SEMA3D: variants seen among roughly 807,000 people sequenced by gnomAD.
SEMA3D encodes the protein semaphorin 3D.
In SEMA3D, 84 loss-of-function variants were observed where a neutral mutation model predicts 100.1. That is an observed-to-expected ratio of 0.84 (90% CI 0.70 to 1.01). SEMA3D has a LOEUF of 1.01. SEMA3D is among the 50% of genes least tolerant of loss of function. SEMA3D has a pLI of 0.00. For synonymous variants in SEMA3D, 312 were observed against 320.7 expected (o/e 0.97, Z 0.29); for missense variants, 875 against 934.1 (o/e 0.94, Z 0.82).
intron 1 of SEMA3D, among the ~76,000 whole-genome samples, chr7:85,175,888 T>C (rs2116560798): frequency 6.6e-6 from 1 of 152,162 alleles, no homozygotes; most frequent in African/African-American, 2.4e-5. Flanking sequence ...AAGGATAAAG[T>C]TAATATATAT....
At chr7:85,135,780 TAAAAA>T (rs77193345) in intron 2 of SEMA3D, among the ~76,000 whole-genome samples, 1 of 142,270 alleles carries the variant, frequency 7.0e-6, no homozygotes, top group Admixed American at 7.1e-5. Flanking sequence ...GTTGGCTCAG[TAAAAA>T]AAAAAAAAAA....
At chr7:85,111,089 C>A (rs747467826) in intron 3 of SEMA3D, among the ~76,000 whole-genome samples, 1 of 151,924 alleles carries the variant, frequency 6.6e-6, no homozygotes, top group Non-Finnish European at 1.5e-5. Context: ...TCCTATATAC[C>A]TGGGCATTCC....
intron 1 of SEMA3D, among the ~76,000 whole-genome samples, chr7:85,166,827 C>A: frequency 6.6e-6 from 1 of 151,700 alleles, no homozygotes; most frequent in Admixed American, 6.6e-5. Context: ...AAATGAAAGC[C>A]CCGTTTTATT....
rs184875219 is a variant in SEMA3D at position 85,036,195 on chromosome 7, C to T, written c.1191+694G>A. ...CTGATGTTAAAATAACTTAAACTGT[C>T]ATAATAATATCAACAAATGTTTTAA... On this transcript the variant is annotated intron_variant, in intron 12 of 18. Coordinates refer to ENST00000284136, the MANE Select transcript of SEMA3D (RefSeq NM_001384900.1). Among the ~76,000 whole-genome samples, 36 of 152,052 alleles carry T rather than the reference C, an allele frequency of 2.4e-4. 1 individual carries two copies. In the East Asian group the frequency reaches 7.0e-3, roughly 29 times the overall value.
intron 16 of SEMA3D, among the ~76,000 whole-genome samples, chr7:85,014,737 A>G (rs1790049722): frequency 6.6e-6 from 1 of 151,664 alleles, no homozygotes; most frequent in Admixed American, 6.6e-5. Flanking sequence ...GAAATAAGGA[A>G]GGAACAATTA....
At chr7:85,111,179 T>C (rs1789082853) in intron 3 of SEMA3D, among the ~76,000 whole-genome samples, 1 of 152,098 alleles carries the variant, frequency 6.6e-6, no homozygotes, top group African/African-American at 2.4e-5. Context: ...ATCTTTTGAA[T>C]TCTGCTTCAT....
chr7:85,040,212 T>A (rs1790818508), intron 11 of SEMA3D, among the ~76,000 whole-genome samples: 1 of 151,988 alleles, frequency 6.6e-6, no homozygotes, highest in Non-Finnish European at 1.5e-5. Flanking sequence ...ACTCCTGGGC[T>A]CAAGCCATCC....
intron 9 of SEMA3D, among the ~76,000 whole-genome samples, chr7:85,045,599 T>C (rs1253223297): frequency 6.6e-6 from 1 of 151,846 alleles, no homozygotes; most frequent in East Asian, 1.9e-4. Context: ...TATCTAGATA[T>C]GACCTGTTTT....
At chr7:85,229,391 T>C in the SEMA3D span, among the ~76,000 whole-genome samples, 1 of 152,048 alleles carries the variant, frequency 6.6e-6, no homozygotes, top group African/African-American at 2.4e-5. Context: ...CTGAATATTT[T>C]AGTTCAATAA....
the SEMA3D span, among the ~76,000 whole-genome samples, chr7:85,231,672 G>T: frequency 6.6e-6 from 1 of 151,910 alleles, no homozygotes; most frequent in Non-Finnish European, 1.5e-5. Context: ...GGATGGTCTC[G>T]ATCTCCTGAC....
At chr7:85,080,998 C>T (rs1458678542) in intron 5 of SEMA3D, among the ~76,000 whole-genome samples, 6 of 152,098 alleles carry the variant, frequency 3.9e-5, no homozygotes, top group Non-Finnish European at 5.9e-5. Flanking sequence ...CTAGTTCTTA[C>T]GCCAGAATGC....
Position 85,070,500 on chromosome 7 carries a change from C to G in SEMA3D, c.496-2216G>C, listed in dbSNP as rs144523721. The stretch of plus-strand genomic sequence containing the variant: ...CTCTTCCCAGCCACCTTAGGAGGAG[C>G]CTTATTTATTTGAAAATGGAAGGTC... On this transcript the variant is annotated intron_variant, in intron 6 of 18. Coordinates refer to ENST00000284136, the MANE Select transcript of SEMA3D (RefSeq NM_001384900.1). Among the ~76,000 whole-genome samples, 8 of 152,188 alleles carry G rather than the reference C, an allele frequency of 5.3e-5. 1 individual carries two copies. The highest frequency in any genetic ancestry group is 1.7e-4 in the African/African-American group (7 of 41,536).
chr7:85,178,227 A>T (rs1474360247), intron 1 of SEMA3D, among the ~76,000 whole-genome samples: 1 of 152,194 alleles, frequency 6.6e-6, no homozygotes. Flanking sequence ...CTAACACAGT[A>T]AATCAGTACT....
chr7:85,220,330 CTTTTT>C, the SEMA3D span, among the ~76,000 whole-genome samples: 2 of 134,918 alleles, frequency 1.5e-5, no homozygotes. Flanking sequence ...TTTCAGGTTC[CTTTTT>C]TTTTTTTTTT....
intron 2 of SEMA3D, among the ~76,000 whole-genome samples, chr7:85,134,978 T>A (rs1240056448): frequency 6.6e-6 from 1 of 151,836 alleles, no homozygotes; most frequent in African/African-American, 2.4e-5. Context: ...ATTCTGGGTA[T>A]CTTTTTGCAA....
At chr7:85,201,700 T>C in the SEMA3D span, among the ~76,000 whole-genome samples, 49 of 152,024 alleles carry the variant, frequency 3.2e-4, 1 homozygote, top group South Asian at 2.1e-4. Flanking sequence ...GATTTCCTTT[T>C]TCATTTCCAT....
rs535212976 is a variant in SEMA3D, at chr7:85,084,681, C to T, written c.313-3102G>A. Among the ~76,000 whole-genome samples the T allele has an allele frequency of 2.0e-4, 30 of 151,806 alleles. No homozygotes were observed. In the East Asian group the frequency reaches 3.7e-3, roughly 19 times the overall value. Reference sequence around the variant, plus strand: ...ACACAGGTAAACTTGTGTCATGAGGCTTTCTTGTAAAGATTGTTTCTTCAC... The same window carrying T: ...ACACAGGTAAACTTGTGTCATGAGGTTTTCTTGTAAAGATTGTTTCTTCAC... On this transcript the variant is annotated intron_variant, in intron 4 of 18. Coordinates refer to ENST00000284136, the MANE Select transcript of SEMA3D (RefSeq NM_001384900.1).
chr7:85,040,802 TTAA>T (rs1790838873), intron 10 of SEMA3D, 60 bp from the exon 11 acceptor site: 8 of 783,554 alleles, frequency 1.0e-5, no homozygotes, highest in Non-Finnish European at 1.5e-5. Flanking sequence ...TGCTTTTTTG[TTAA>T]TAACACAACT....
chr7:85,186,624 C>G (rs13221066), intron 1 of SEMA3D, 54 bp downstream of exon 1: 4 of 152,768 alleles, frequency 2.6e-5, no homozygotes, highest in African/African-American at 9.6e-5. Flanking sequence ...CTTAGCACCG[C>G]GGTCTCCAGC....
Sources: gnomAD v4.1 joint callset for allele counts (sites outside exome capture counted in the v4.1 genomes callset) on GRCh38, gnomAD v4.1.1 for gene constraint, MANE v1.5 for transcripts, NCBI Gene and HGNC (gene_info 2026-07-23, HGNC 2026-07-21) for gene names.